Variants in ZC3H12B observed in about 807,000 individuals in gnomAD.
ZC3H12B encodes probable ribonuclease ZC3H12B.
In ZC3H12B, 7 loss-of-function variants were observed where a neutral mutation model predicts 43.9. The ratio of observed to expected loss-of-function variants is 0.16; its 90% CI spans 0.09 to 0.30. The LOEUF (loss-of-function observed/expected upper bound fraction) is 0.30, where lower values mean the gene tolerates loss of function less well. Ranked by LOEUF, ZC3H12B falls within the 10% of genes least tolerant of loss-of-function variation. The pLI is 1.00. For missense variants in ZC3H12B, 475 were observed against 670.2 expected, an observed-to-expected ratio of 0.71 and a Z score of 3.22; for synonymous variants, 222 against 241.7, an observed-to-expected ratio of 0.92 and a Z score of 0.76.
At chrX:65,319,052 A>G in the ZC3H12B span, among the ~76,000 whole-genome samples, 1 of 111,518 alleles carries the variant, frequency 9.0e-6, no homozygotes, top group Non-Finnish European at 1.9e-5. Flanking sequence ...CAGAGCTAGC[A>G]GAGCAGAGGA....
At chrX:65,285,076 T>G in the ZC3H12B span, among the ~76,000 whole-genome samples, 2 of 110,142 alleles carry the variant, frequency 1.8e-5, no homozygotes, top group Admixed American at 1.9e-4. Flanking sequence ...AATAAAATAA[T>G]AGAAGAAAAC....
chrX:65,209,719 G>T, the ZC3H12B span, among the ~76,000 whole-genome samples: 2 of 108,750 alleles, frequency 1.8e-5, no homozygotes, highest in Admixed American at 1.0e-4. Context: ...CCAAAACAGA[G>T]ATATAGATCA....
the ZC3H12B span, among the ~76,000 whole-genome samples, chrX:65,265,160 T>A: frequency 3.6e-5 from 4 of 112,150 alleles, no homozygotes; most frequent in African/African-American, 1.3e-4. Flanking sequence ...ACGTAAGTAA[T>A]ATTATCTTCT....
At chrX:65,460,424 G>T (rs887676549) in intron 3 of ZC3H12B, among the ~76,000 whole-genome samples, 1 of 111,806 alleles carries the variant, frequency 8.9e-6, no homozygotes, top group Non-Finnish European at 1.9e-5. Context: ...CAAAAGAACA[G>T]AGCTGGAGGC....
the ZC3H12B span, among the ~76,000 whole-genome samples, chrX:65,076,158 C>CT: frequency 2.7e-3 from 285 of 103,780 alleles, 1 homozygote; most frequent in Admixed American, 4.8e-3. Flanking sequence ...TCTCTTCTTT[C>CT]TTTTTTTTTT....
chrX:65,239,446 TTTTG>T, the ZC3H12B span, among the ~76,000 whole-genome samples: 1 of 110,868 alleles, frequency 9.0e-6, no homozygotes, highest in African/African-American at 3.3e-5. Context: ...CATCCCTTTA[TTTTG>T]AGTTTATTTG....
At chrX:65,453,764 A>G (rs1050481132) in intron 3 of ZC3H12B, among the ~76,000 whole-genome samples, 4 of 110,956 alleles carry the variant, frequency 3.6e-5, no homozygotes, top group Admixed American at 1.9e-4. Flanking sequence ...TGGCATTTGC[A>G]GCAACCTGGA....
chrX:65,400,575 G>A (rs2066751092), intron 3 of ZC3H12B, among the ~76,000 whole-genome samples: 1 of 111,835 alleles, frequency 8.9e-6, no homozygotes, highest in Non-Finnish European at 1.9e-5. Flanking sequence ...TGAAATCAAA[G>A]TGTTATAATT....
chrX:65,323,538 G>A, the ZC3H12B span, among the ~76,000 whole-genome samples: 1 of 112,171 alleles, frequency 8.9e-6, no homozygotes, highest in African/African-American at 3.2e-5. Flanking sequence ...CTTTTTCATG[G>A]CTGCATAGTA....
the ZC3H12B span, among the ~76,000 whole-genome samples, chrX:65,056,720 A>T: frequency 9.0e-6 from 1 of 110,606 alleles, no homozygotes; most frequent in African/African-American, 3.3e-5. Flanking sequence ...ATTGTGTGGG[A>T]GTCTAAATCT....
At chrX:65,179,016 C>T in the ZC3H12B span, among the ~76,000 whole-genome samples, 1 of 112,049 alleles carries the variant, frequency 8.9e-6, no homozygotes, top group Admixed American at 9.5e-5. Flanking sequence ...TGCAAATGCC[C>T]ATCAATGATA....
At chrX:65,117,796 C>T in the ZC3H12B span, among the ~76,000 whole-genome samples, 1 of 111,936 alleles carries the variant, frequency 8.9e-6, no homozygotes, top group African/African-American at 3.2e-5. Context: ...CCAGTTTTCC[C>T]AGCACCATTT....
At chrX:65,211,915 A>G in the ZC3H12B span, among the ~76,000 whole-genome samples, 1 of 73,730 alleles carries the variant, frequency 1.4e-5, no homozygotes, top group Non-Finnish European at 2.3e-5. Flanking sequence ...TGTTATGTAT[A>G]CTATATAATA....
the ZC3H12B span, among the ~76,000 whole-genome samples, chrX:65,311,386 G>GA: frequency 2.0e-4 from 23 of 112,228 alleles, no homozygotes; most frequent in Admixed American, 4.7e-4. Context: ...ACAGACACAT[G>GA]AAAAAAATGC....
chrX:65,188,402 A>G, the ZC3H12B span, among the ~76,000 whole-genome samples: 144 of 92,433 alleles, frequency 1.6e-3, 1 homozygote, highest in African/African-American at 5.8e-3. Context: ...ACTATTATTC[A>G]TAGCGGTTTT....
At chrX:65,406,200 T>TA (rs1370497426) in intron 3 of ZC3H12B, among the ~76,000 whole-genome samples, 4 of 109,419 alleles carry the variant, frequency 3.7e-5, no homozygotes, top group African/African-American at 1.3e-4. Flanking sequence ...AAAAGAAAAC[T>TA]ACAGTTCAAT....
At chrX:65,111,119 G>T in the ZC3H12B span, among the ~76,000 whole-genome samples, 1 of 111,124 alleles carries the variant, frequency 9.0e-6, no homozygotes, top group African/African-American at 3.3e-5. Context: ...CTAGTTCTGG[G>T]AGTGTTTTGT....
the ZC3H12B span, among the ~76,000 whole-genome samples, chrX:65,213,847 G>T: frequency 9.3e-6 from 1 of 107,070 alleles, no homozygotes; most frequent in Non-Finnish European, 1.9e-5. Context: ...TAAAGCTAAG[G>T]TCACTATAAA....
the ZC3H12B span, among the ~76,000 whole-genome samples, chrX:65,301,663 G>A: frequency 9.0e-6 from 1 of 111,280 alleles, no homozygotes; most frequent in Non-Finnish European, 1.9e-5. Flanking sequence ...CTATGAGGAT[G>A]CAAAGGCATA....
Sources: allele counts gnomAD v4.1 joint callset (sites outside exome capture counted in the v4.1 genomes callset), GRCh38; gene constraint gnomAD v4.1.1; transcripts MANE v1.5; gene names NCBI Gene and HGNC (gene_info 2026-07-23, HGNC 2026-07-21).